Variants in PARD3 observed in about 807,000 individuals in gnomAD.
The protein encoded by PARD3 is partitioning defective 3 homolog.
A neutral mutation model predicts 155.4 loss-of-function variants in PARD3; 75 were observed. That is an observed-to-expected ratio of 0.48 (90% CI 0.40 to 0.58). The LOEUF (loss-of-function observed/expected upper bound fraction) is 0.58. PARD3 is among the 20% of genes least tolerant of loss of function. The probability of loss-of-function intolerance (pLI) is 0.00; values close to 1 mark genes in which losing one functional copy is unlikely to be tolerated. For synonymous variants in PARD3, 576 were observed against 610.5 expected (o/e 0.94, Z 0.83); for missense variants, 1,642 against 1,721.7 (o/e 0.95, Z 0.82).
At position 34,331,313 on chromosome 10, in the gene PARD3, C is replaced by T. The variant is rs1331504764; in HGVS notation, c.2637G>A (p.Leu879=). 2 of 1,613,608 alleles carry T rather than the reference C, an allele frequency of 1.2e-6. No homozygotes were observed. The highest frequency in any genetic ancestry group is 1.7e-6 in the Non-Finnish European group (2 of 1,179,812). Reference sequence around the variant, plus strand: ...CCAACGAGCTTGACTTCTTCAGACCCAGGGAAGGACCCACATCTCTGCTGG... The same window carrying T: ...CCAACGAGCTTGACTTCTTCAGACCTAGGGAAGGACCCACATCTCTGCTGG... ...GSPSRDVGPS[L]GLKKSSSLES... Residue 879 remains leucine, a synonymous_variant, in exon 19 of 25, where the codon CTG becomes CTA. Coordinates refer to ENST00000374788, the MANE Select transcript of PARD3 (RefSeq NM_001184785.2).
At chr10:34,478,518 G>C (rs1443054569) in intron 3 of PARD3, among the ~76,000 whole-genome samples, 1 of 152,142 alleles carries the variant, frequency 6.6e-6, no homozygotes, top group Non-Finnish European at 1.5e-5. Context: ...CATAAGGAGG[G>C]AAAATAAAGT....
rs1210204916 is a variant in PARD3, at chr10:34,241,153, T to C, written c.3419+28504A>G. Among the ~76,000 whole-genome samples, 5 of 152,318 alleles carry C rather than the reference T, an allele frequency of 3.3e-5. No individual in the cohort carries two copies. In the East Asian group the frequency reaches 9.7e-4, roughly 29 times the overall value. On this transcript the variant is annotated intron_variant, in intron 22 of 24. Coordinates refer to ENST00000374788, the MANE Select transcript of PARD3 (RefSeq NM_001184785.2). ...GAGGGACCATGCGCTTGAGAGGACG[T>C]GTCTGTGGTGGGGCTTGGCTTGTGC...
At position 34,498,816 on chromosome 10, in the gene PARD3, A is replaced by G. The variant is rs376470341; in HGVS notation, c.403+18163T>C. 4.7e-4 allele frequency among the ~76,000 whole-genome samples: 72 copies of G among 152,266 alleles called. 1 individual carries two copies. The South Asian group carries it at 0.014, about 29-fold the overall frequency. ...AATAAACAAAAATTAAAAAGCCTAC[A>G]TTAATACTCAATTTCCAGCCAATAA... On this transcript the variant is annotated intron_variant, in intron 3 of 24. Coordinates refer to ENST00000374788, the MANE Select transcript of PARD3 (RefSeq NM_001184785.2).
Position 34,378,000 on chromosome 10 carries a change from A to G in PARD3, c.1506T>C (p.Asp502=). The G allele has an allele frequency of 6.3e-7, 1 of 1,589,666 alleles. No homozygotes were observed. Among genetic ancestry groups the G allele is most frequent in the Non-Finnish European group, 8.5e-7 (1 of 1,170,718 alleles). Residue 502 remains aspartate (D), a synonymous_variant, in exon 10 of 25, where the codon GAT becomes GAC. Coordinates refer to ENST00000374788, the MANE Select transcript of PARD3 (RefSeq NM_001184785.2). ...GTCTGTCTCCTGCCTTAAGTCGGCCATCCTGAATGGCCGCCCCCCGGGGGA... is the reference window on the plus strand; with the variant it reads ...GTCTGTCTCCTGCCTTAAGTCGGCCGTCCTGAATGGCCGCCCCCCGGGGGA... ...NILPRGAAIQ[D]GRLKAGDRLI...
intron 3 of PARD3, among the ~76,000 whole-genome samples, chr10:34,508,252 A>G (rs939868294): frequency 1.3e-5 from 2 of 152,240 alleles, no homozygotes; most frequent in African/African-American, 2.4e-5. Context: ...ACTAAAATTA[A>G]CATAGCTAAT....
At chr10:34,627,185 A>C (rs1454600684) in intron 2 of PARD3, among the ~76,000 whole-genome samples, 1 of 152,092 alleles carries the variant, frequency 6.6e-6, no homozygotes, top group Non-Finnish European at 1.5e-5. Context: ...GTGCCACCAC[A>C]ACAAGATAAT....
chr10:34,336,641 C>CT (rs77079828), intron 17 of PARD3, among the ~76,000 whole-genome samples: 13 of 150,884 alleles, frequency 8.6e-5, no homozygotes, highest in Admixed American at 2.0e-4. Flanking sequence ...AATTATTTTA[C>CT]TTTTTTTTTG....
chr10:34,550,275 G>A (rs1429583706), intron 2 of PARD3, among the ~76,000 whole-genome samples: 1 of 152,138 alleles, frequency 6.6e-6, no homozygotes, highest in East Asian at 1.9e-4. Flanking sequence ...AGGCTGGAGT[G>A]CAGTGGTAGG....
intron 2 of PARD3, among the ~76,000 whole-genome samples, chr10:34,663,482 T>C (rs1317433146): frequency 1.3e-5 from 2 of 152,054 alleles, no homozygotes; most frequent in African/African-American, 2.4e-5. Context: ...ATGCTTGGGG[T>C]AGATATCCCA....
At position 34,517,030 on chromosome 10, in the gene PARD3, G is replaced by A; in HGVS notation, c.352C>T (p.Pro118Ser). ...TCAATTTCACTTGTTGCTTGGTAAG[G>A]CTGAAAGGCTGAGACATTGTTGGTG... Reference protein sequence around the residue: ...LGTNNVSAFQPYQATSEIEVT... With the variant: ...LGTNNVSAFQSYQATSEIEVT... Residue 118 changes from proline (P) to serine (S), a missense_variant, in exon 3 of 25, where the codon CCT (proline) becomes TCT (serine). Pro to Ser is a moderately conservative substitution (Grantham distance 74). Around this residue, in one of 3 missense-constraint regions of PARD3, gnomAD observed 1,529 missense variants for 1,587.3 expected, o/e 0.96. Coordinates refer to ENST00000374788, the MANE Select transcript of PARD3 (RefSeq NM_001184785.2). The A allele has an allele frequency of 6.2e-7, 1 of 1,614,166 alleles. No individual in the cohort carries two copies. Among genetic ancestry groups the A allele is most frequent in the Non-Finnish European group, 8.5e-7 (1 of 1,180,010 alleles).
rs142455343 is a variant in PARD3, at chr10:34,155,993, C to T, written c.3420-24410G>A. On this transcript the variant is annotated intron_variant, in intron 22 of 24. Transcript: ENST00000374788. ...GCTCCCACCTGATCTGGAGGCTGCTCCCACTCTGATAATTTTAAGACAGTA... is the reference window on the plus strand; with the variant it reads ...GCTCCCACCTGATCTGGAGGCTGCTTCCACTCTGATAATTTTAAGACAGTA... Among the ~76,000 whole-genome samples the T allele has an allele frequency of 1.6e-3, 244 of 152,202 alleles. 1 individual carries two copies. The highest frequency in any genetic ancestry group is 4.2e-3 in the South Asian group (20 of 4,808).
chr10:34,304,691 C>T (rs1450069945), intron 20 of PARD3, among the ~76,000 whole-genome samples: 1 of 152,138 alleles, frequency 6.6e-6, no homozygotes, highest in Non-Finnish European at 1.5e-5. Flanking sequence ...AGTTCTTCTC[C>T]ACACCTTTAT....
intron 21 of PARD3, among the ~76,000 whole-genome samples, chr10:34,280,442 A>G (rs1181708222): frequency 1.3e-5 from 2 of 152,176 alleles, no homozygotes; most frequent in Non-Finnish European, 2.9e-5. Context: ...ATTTTTCTGT[A>G]GTTTTTAGTA....
intron 3 of PARD3, among the ~76,000 whole-genome samples, chr10:34,515,471 T>C (rs540065393): frequency 6.6e-6 from 1 of 152,332 alleles, no homozygotes; most frequent in South Asian, 2.1e-4. Flanking sequence ...AAAGCAATTG[T>C]AGGAAGTGGT....
chr10:34,769,304 C>T (rs1838532400), intron 1 of PARD3, among the ~76,000 whole-genome samples: 1 of 152,204 alleles, frequency 6.6e-6, no homozygotes, highest in African/African-American at 2.4e-5. Context: ...ACAAGCTTAT[C>T]TGCCCACCCC....
At chr10:34,443,136 A>G (rs975843477) in intron 5 of PARD3, among the ~76,000 whole-genome samples, 4 of 152,294 alleles carry the variant, frequency 2.6e-5, no homozygotes, top group African/African-American at 9.6e-5. Context: ...TTATAAGAAC[A>G]AGCTAAAACC....
rs568630298 is a variant in PARD3, at chr10:34,725,604, T to TG, written c.121-29186dup. On this transcript the variant is annotated intron_variant, in intron 1 of 24. Coordinates refer to ENST00000374788, the MANE Select transcript of PARD3 (RefSeq NM_001184785.2). ...GTTATTCATCGTAAAAATCTACCCT[T>TG]GGGGGGGCACAATATCTAGTGTCAA... Among the ~76,000 whole-genome samples the TG allele has an allele frequency of 3.3e-4, 50 of 152,100 alleles. No individual in the cohort carries two copies. The South Asian group carries it at 8.9e-3, about 27-fold the overall frequency.
intron 22 of PARD3, among the ~76,000 whole-genome samples, chr10:34,198,452 TG>T (rs34168955): frequency 1.8e-5 from 2 of 112,352 alleles, no homozygotes; most frequent in Admixed American, 1.7e-4. Context: ...AATCACTAAT[TG>T]GTGTGTGTGT....
intron 2 of PARD3, among the ~76,000 whole-genome samples, chr10:34,541,174 G>A (rs536689455): frequency 2.6e-5 from 4 of 152,286 alleles, no homozygotes; most frequent in Admixed American, 6.5e-5. Flanking sequence ...GCACATGGAG[G>A]ATGGTTTATT....
Sources: gnomAD v4.1 joint callset for allele counts (sites outside exome capture counted in the v4.1 genomes callset) on GRCh38, gnomAD v4.1.1 for gene constraint, gnomAD v4.1.1 regional missense constraint, MANE v1.5 for transcripts, NCBI Gene and HGNC (gene_info 2026-07-23, HGNC 2026-07-21) for gene names.